CENPE: variants seen among roughly 807,000 people sequenced by gnomAD.
The protein encoded by CENPE is centromere protein E.
In CENPE, 145 loss-of-function variants were observed where a neutral mutation model predicts 336.1. The observed-to-expected ratio is 0.43, with a 90% CI of 0.38 to 0.50. The LOEUF is 0.50. Among genes scored for constraint, CENPE ranks in the 20% least tolerant of loss-of-function variants. The pLI, the probability that CENPE is intolerant of heterozygous loss-of-function variation, is 0.00. For missense variants in CENPE, 2,719 were observed against 3,023.3 expected (o/e 0.90, Z 2.36); for synonymous variants, 1,013 against 984.8 (o/e 1.03, Z -0.54).
intron 41 of CENPE, 89 bp from the exon 42 acceptor site, chr4:103,132,985 A>ATATATATATATATATATATATATAG (rs1560610336): frequency 9.4e-6 from 1 of 105,936 alleles, no homozygotes; most frequent in African/African-American, 6.8e-5. Context: ...TATATATATA[A>ATATATATATATATATATATATATAG]AATAAAAAGA....
At chr4:103,114,740 A>C (rs2125847711) in intron 45 of CENPE, among the ~76,000 whole-genome samples, 188 bp from the exon 46 acceptor site, 1 of 152,346 alleles carries the variant, frequency 6.6e-6, no homozygotes, top group South Asian at 2.1e-4. Flanking sequence ...TCAAACTAGA[A>C]GCATTCTGCT....
chr4:103,176,822 C>A, intron 14 of CENPE, 77 bp downstream of exon 14: 1 of 1,060,454 alleles, frequency 9.4e-7, no homozygotes, highest in Non-Finnish European at 1.3e-6. Flanking sequence ...ATCACATTAA[C>A]TGAGCTATAA....
intron 29 of CENPE, 56 bp downstream of exon 29, chr4:103,147,300 C>T: frequency 7.0e-7 from 1 of 1,422,010 alleles, no homozygotes; most frequent in African/African-American, 1.4e-5. Flanking sequence ...AACACAAACA[C>T]AAGCCTTGAT....
intron 42 of CENPE, among the ~76,000 whole-genome samples, chr4:103,123,547 T>C (rs1750835865): frequency 6.6e-6 from 1 of 152,122 alleles, no homozygotes; most frequent in South Asian, 2.1e-4. Flanking sequence ...AAAAATCATA[T>C]ATTGAGGTTG....
chr4:103,130,488 C>T (rs1367533083), intron 42 of CENPE, among the ~76,000 whole-genome samples: 1 of 151,972 alleles, frequency 6.6e-6, no homozygotes, highest in East Asian at 1.9e-4. Context: ...ATGAGAAAAA[C>T]TACCAAACTC....
intron 25 of CENPE, 27 bp downstream of exon 25, chr4:103,153,020 T>G: frequency 1.3e-6 from 2 of 1,501,616 alleles, no homozygotes; most frequent in Non-Finnish European, 1.8e-6. Flanking sequence ...AAAAAGGTAA[T>G]GCCAAGTATA....
At position 103,161,223 on chromosome 4, in the gene CENPE, A is replaced by G. The variant is rs946716188; in HGVS notation, c.1994T>C (p.Met665Thr). ...MKELATTYKQMENDIQLYQSQ... is the reference protein window; with the variant it reads ...MKELATTYKQTENDIQLYQSQ... The stretch of plus-strand genomic sequence containing the variant: ...TTGATATAACTGAATATCATTTTCC[A>G]TTTGCTTGTATGTAGTTGCAAGTTC... The change falls in exon 20 of 49, where the codon ATG becomes ACG. Residue 665 changes from methionine to threonine, a missense_variant. Physicochemically the swap from Met to Thr is moderately conservative, Grantham distance 81. Transcript: ENST00000265148. 6.2e-7 allele frequency: 1 copy of G among 1,609,952 alleles called. No individual in the cohort carries two copies. The highest frequency in any genetic ancestry group is 8.5e-7 in the Non-Finnish European group (1 of 1,178,534).
intron 40 of CENPE, among the ~76,000 whole-genome samples, chr4:103,135,273 A>G (rs1751967517): frequency 6.6e-6 from 1 of 152,144 alleles, no homozygotes; most frequent in Non-Finnish European, 1.5e-5. Flanking sequence ...CCAAACCTCA[A>G]ACTCAAATCT....
chr4:103,179,347 T>TTTTAAAC (rs1756141929), intron 13 of CENPE, among the ~76,000 whole-genome samples: 3 of 152,342 alleles, frequency 2.0e-5, no homozygotes, highest in Admixed American at 1.3e-4. Context: ...AACATCACAT[T>TTTTAAAC]CAAATCCCTC....
chr4:103,140,963 C>G lies in CENPE; in HGVS notation c.5605G>C (p.Glu1869Gln), dbSNP rs373168914. 1 of 1,612,300 alleles carries G rather than the reference C, an allele frequency of 6.2e-7. No individual in the cohort carries two copies. The highest frequency in any genetic ancestry group is 1.3e-5 in the African/African-American group (1 of 74,986). The change falls in exon 36 of 49, where the codon GAG becomes CAG. Residue 1869 changes from glutamate (E) to glutamine (Q), a missense_variant. Physicochemically the swap from Glu to Gln is conservative, Grantham distance 29. This residue lies in a region of CENPE where 2,437 missense variants were observed against 2,513.3 expected (regional missense o/e 0.97). Coordinates refer to ENST00000265148, the MANE Select transcript of CENPE (RefSeq NM_001813.3). ...AGTTTCTGAGCCAAATTTAAATTCT[C>G]TATTTCTAATTTACTCAGAGTTAAG... The part of the protein sequence containing the change: ...QSLTLSKLEI[E>Q]NLNLAQKLHE...
At chr4:103,117,355 C>T (rs1360744343) in intron 44 of CENPE, among the ~76,000 whole-genome samples, 21 of 152,086 alleles carry the variant, frequency 1.4e-4, no homozygotes, top group Non-Finnish European at 5.9e-5. Flanking sequence ...TTGTATTGTA[C>T]ATTCTGTGGG....
chr4:103,181,650 C>T (rs1030491691), intron 11 of CENPE, 194 bp from the exon 12 acceptor site: 14 of 382,384 alleles, frequency 3.7e-5, no homozygotes, highest in Admixed American at 2.6e-4. Context: ...TGATAGTCTT[C>T]GGGAGAATAA....
chr4:103,181,970 A>G (rs1756359742), intron 11 of CENPE: 1 of 152,688 alleles, frequency 6.5e-6, no homozygotes, highest in Admixed American at 6.5e-5. Flanking sequence ...AATGTTTCTC[A>G]GAGTATAAGT....
intron 14 of CENPE, among the ~76,000 whole-genome samples, chr4:103,176,313 T>TGA (rs1035726757): frequency 6.6e-6 from 1 of 152,192 alleles, no homozygotes; most frequent in African/African-American, 2.4e-5. Context: ...ATTCTGAATT[T>TGA]GAGATTTGAT....
chr4:103,174,677 G>A, intron 16 of CENPE, 59 bp downstream of exon 16: 2 of 1,201,482 alleles, frequency 1.7e-6, no homozygotes, highest in Non-Finnish European at 2.2e-6. Context: ...ATAGAAAAAA[G>A]AGAATACTTC....
At chr4:103,173,904 T>A (rs1002854749) in intron 16 of CENPE, among the ~76,000 whole-genome samples, 3 of 151,898 alleles carry the variant, frequency 2.0e-5, no homozygotes, top group Admixed American at 1.3e-4. Context: ...GAGAATCCTT[T>A]TATACTGTTG....
At chr4:103,152,950 AT>A in intron 25 of CENPE, 96 bp downstream of exon 25, 1 of 875,922 alleles carries the variant, frequency 1.1e-6, no homozygotes. Flanking sequence ...CACCAGATAC[AT>A]TTATTGTATA....
At chr4:103,164,134 G>A (rs1754713099) in intron 16 of CENPE, among the ~76,000 whole-genome samples, 2 of 152,008 alleles carry the variant, frequency 1.3e-5, no homozygotes, top group Non-Finnish European at 2.9e-5. Flanking sequence ...CTATGACCTT[G>A]ATTTATTCCA....
intron 8 of CENPE, among the ~76,000 whole-genome samples, chr4:103,191,798 AAAAT>A (rs1757377456): frequency 6.6e-6 from 1 of 152,152 alleles, no homozygotes; most frequent in African/African-American, 2.4e-5. Context: ...GTATAATAAA[AAAAT>A]AAATAAAAAT....
Sources: allele counts gnomAD v4.1 joint callset (sites outside exome capture counted in the v4.1 genomes callset), GRCh38; gene constraint gnomAD v4.1.1; regional missense constraint gnomAD v4.1.1; transcripts MANE v1.5; gene names NCBI Gene and HGNC (gene_info 2026-07-23, HGNC 2026-07-21).